ALCAM: variants seen among roughly 807,000 people sequenced by gnomAD.
ALCAM encodes activated leukocyte cell adhesion molecule.
Under a neutral mutation model 70.9 loss-of-function variants are expected in ALCAM, and 30 were observed. The ratio of observed to expected loss-of-function variants is 0.42; its 90% CI spans 0.32 to 0.57. ALCAM has a LOEUF of 0.57. Ranked by LOEUF, ALCAM falls within the 20% of genes least tolerant of loss-of-function variation. ALCAM has a pLI of 0.11. For synonymous variants in ALCAM, 249 were observed against 242.5 expected, an observed-to-expected ratio of 1.03 and a Z score of -0.25; for missense variants, 591 against 695.1, an observed-to-expected ratio of 0.85 and a Z score of 1.68.
chr3:105,493,526 G>A lies in ALCAM; in HGVS notation c.74-26541G>A, dbSNP rs542896592. Among the ~76,000 whole-genome samples, 8 of 152,220 alleles carry A rather than the reference G, an allele frequency of 5.3e-5. No individual in the cohort carries two copies. The South Asian group carries it at 1.2e-3, about 24-fold the overall frequency. Reference sequence around the variant, plus strand: ...CCAGTCGGGCTCAACCTAATTACATGAGGCCTTAAAACAGAGCCACTTCCT... The same window carrying A: ...CCAGTCGGGCTCAACCTAATTACATAAGGCCTTAAAACAGAGCCACTTCCT... On this transcript the variant is annotated intron_variant, in intron 1 of 15. Coordinates refer to ENST00000306107, the MANE Select transcript of ALCAM (RefSeq NM_001627.4).
intron 1 of ALCAM, among the ~76,000 whole-genome samples, chr3:105,371,388 C>T (rs556829304): frequency 6.6e-6 from 1 of 151,972 alleles, no homozygotes; most frequent in African/African-American, 2.4e-5. Context: ...CTCAGCATTT[C>T]AAATTTTTTA....
chr3:105,537,812 T>A (rs17189101), intron 6 of ALCAM, among the ~76,000 whole-genome samples: 13 of 152,088 alleles, frequency 8.5e-5, no homozygotes, highest in Admixed American at 2.0e-4. Context: ...GAAAAGTTCA[T>A]TGAGGCAGGG....
chr3:105,367,313 C>A lies in ALCAM; in HGVS notation c.-96C>A. 2 of 1,276,422 alleles carry A rather than the reference C, an allele frequency of 1.6e-6. No homozygotes were observed. Among genetic ancestry groups the A allele is most frequent in the Non-Finnish European group, 2.2e-6 (2 of 896,190 alleles). 79.1% of individuals were successfully genotyped at this position (1,276,422 alleles called of 1,614,324 possible). ...CTGGGAGAAGACGCTGCCCCTGCGT[C>A]GGGACCCGCCAGCGCGCGGGCACCG... is the stretch of plus-strand genomic sequence containing the variant. On this transcript the variant is annotated 5_prime_UTR_variant, in exon 1 of 16. Transcript: ENST00000306107.
At chr3:105,510,214 A>G (rs1465083260) in intron 1 of ALCAM, among the ~76,000 whole-genome samples, 2 of 152,076 alleles carry the variant, frequency 1.3e-5, no homozygotes, top group African/African-American at 4.8e-5. Context: ...GGGAGAGGAT[A>G]TGAAGGTTGG....
At chr3:105,546,688 T>G (rs1040532874) in intron 9 of ALCAM, among the ~76,000 whole-genome samples, 2 of 151,458 alleles carry the variant, frequency 1.3e-5, no homozygotes, top group Non-Finnish European at 3.0e-5. Context: ...GAACAGCTCA[T>G]GTATTCAAAA....
chr3:105,457,941 T>C (rs912048967), intron 1 of ALCAM, among the ~76,000 whole-genome samples: 1 of 152,174 alleles, frequency 6.6e-6, no homozygotes, highest in African/African-American at 2.4e-5. Flanking sequence ...TTTAGTTACC[T>C]TTCTCCTCCA....
chr3:105,450,424 C>A (rs528358209), intron 1 of ALCAM, among the ~76,000 whole-genome samples: 1 of 152,256 alleles, frequency 6.6e-6, no homozygotes, highest in East Asian at 1.9e-4. Flanking sequence ...TTCATTTTCA[C>A]CCACTACCTC....
At chr3:105,416,976 A>G (rs1487101741) in intron 1 of ALCAM, among the ~76,000 whole-genome samples, 2 of 151,960 alleles carry the variant, frequency 1.3e-5, no homozygotes, top group African/African-American at 2.4e-5. Context: ...AACTTCTAAT[A>G]TGAAGTCTAA....
chr3:105,382,982 A>G (rs1935565611), intron 1 of ALCAM, among the ~76,000 whole-genome samples: 1 of 151,748 alleles, frequency 6.6e-6, no homozygotes, highest in African/African-American at 2.4e-5. Context: ...TTTTTCTTGG[A>G]ATTCCATGTG....
intron 1 of ALCAM, among the ~76,000 whole-genome samples, chr3:105,417,655 C>T (rs1936538372): frequency 1.3e-5 from 2 of 151,670 alleles, no homozygotes; most frequent in African/African-American, 2.4e-5. Flanking sequence ...CCTCATTATT[C>T]TTGTAAGAGT....
intron 1 of ALCAM, among the ~76,000 whole-genome samples, chr3:105,380,511 A>G (rs368432744): frequency 6.6e-6 from 1 of 151,880 alleles, no homozygotes; most frequent in African/African-American, 2.4e-5. Context: ...CAAAAATTCT[A>G]AGATTCAAAA....
At chr3:105,518,444 A>T (rs2152622204) in intron 1 of ALCAM, among the ~76,000 whole-genome samples, 1 of 152,262 alleles carries the variant, frequency 6.6e-6, no homozygotes, top group African/African-American at 2.4e-5. Flanking sequence ...GAAATTCCAC[A>T]TTTAGGAGCC....
chr3:105,405,089 C>G (rs1377256861), intron 1 of ALCAM, among the ~76,000 whole-genome samples: 1 of 151,856 alleles, frequency 6.6e-6, no homozygotes, highest in Non-Finnish European at 1.5e-5. Context: ...ACCAGCCTGA[C>G]CAACATGGAG....
chr3:105,425,705 T>C (rs1254703921), intron 1 of ALCAM, among the ~76,000 whole-genome samples: 2 of 151,746 alleles, frequency 1.3e-5, no homozygotes, highest in African/African-American at 4.8e-5. Context: ...CTAATATGTA[T>C]GTAGCAAAAA....
intron 1 of ALCAM, among the ~76,000 whole-genome samples, chr3:105,502,333 T>TA (rs1938943075): frequency 6.6e-6 from 1 of 152,184 alleles, no homozygotes; most frequent in Non-Finnish European, 1.5e-5. Flanking sequence ...GAATTTTTTT[T>TA]AAAAAATTCT....
At chr3:105,390,350 A>G (rs769010010) in intron 1 of ALCAM, among the ~76,000 whole-genome samples, 14 of 151,994 alleles carry the variant, frequency 9.2e-5, no homozygotes, top group Admixed American at 2.0e-4. Context: ...ATGATTAGTG[A>G]CTTTGAGCTT....
intron 1 of ALCAM, among the ~76,000 whole-genome samples, chr3:105,415,996 T>A (rs1364253513): frequency 6.6e-6 from 1 of 152,064 alleles, no homozygotes; most frequent in Non-Finnish European, 1.5e-5. Flanking sequence ...ATTTATTTGC[T>A]AAGACAAACC....
At chr3:105,498,413 C>T (rs1181803546) in intron 1 of ALCAM, among the ~76,000 whole-genome samples, 1 of 152,096 alleles carries the variant, frequency 6.6e-6, no homozygotes, top group African/African-American at 2.4e-5. Flanking sequence ...GGACCCAGGT[C>T]TCAACACTAC....
At chr3:105,412,140 G>C (rs1464778249) in intron 1 of ALCAM, among the ~76,000 whole-genome samples, 1 of 152,038 alleles carries the variant, frequency 6.6e-6, no homozygotes, top group Non-Finnish European at 1.5e-5. Context: ...TAAACCTCTA[G>C]AGTCATTTTC....
Sources: gnomAD v4.1 joint callset for allele counts (sites outside exome capture counted in the v4.1 genomes callset) on GRCh38, gnomAD v4.1.1 for gene constraint, MANE v1.5 for transcripts, NCBI Gene and HGNC (gene_info 2026-07-23, HGNC 2026-07-21) for gene names.